P2RY6: variants seen among roughly 807,000 people sequenced by gnomAD.
P2RY6 encodes the protein pyrimidinergic receptor P2Y6.
Under a neutral mutation model 16.3 loss-of-function variants are expected in P2RY6, and 19 were observed. The observed-to-expected ratio is 1.16, with a 90% CI of 0.81 to 1.71. The LOEUF (loss-of-function observed/expected upper bound fraction) is 1.71. Among genes scored for constraint, P2RY6 ranks in the 40% most tolerant of loss-of-function variants. The pLI is 0.00. For missense variants in P2RY6, 389 were observed against 455.5 expected (o/e 0.85, Z 1.33); for synonymous variants, 184 against 201.5 (o/e 0.91, Z 0.74).
chr11:73,267,660 G>A (rs73538769), upstream of P2RY6, among the ~76,000 whole-genome samples: 1 of 152,152 alleles, frequency 6.6e-6, no homozygotes, highest in African/African-American at 2.4e-5. Flanking sequence ...AGCATAGGCT[G>A]GGGGGTGGAG....
At chr11:73,272,672 A>C (rs1410216896) in intron 1 of P2RY6, among the ~76,000 whole-genome samples, 2 of 152,208 alleles carry the variant, frequency 1.3e-5, no homozygotes, top group African/African-American at 4.8e-5. Context: ...GAGGCACCGC[A>C]GGACGGGGTC....
rs1472505435 is a variant in P2RY6 at position 73,272,444 on chromosome 11, G to A, written c.-143G>A. 1.4e-5 allele frequency: 14 copies of A among 985,452 alleles called. No individual in the cohort carries two copies. Among genetic ancestry groups the A allele is most frequent in the African/African-American group, 3.5e-5 (2 of 57,262 alleles). 61.0% of individuals were successfully genotyped at this position (985,452 alleles called of 1,614,324 possible). A position where few individuals can be genotyped will look rare whatever the true frequency, so the allele number is the denominator to read the frequency against. ...TGCTCCAGCACTTCACGGACTGCAA[G>A]CGAGGCACTTGCTAACTCTTGGGTG... is the stretch of plus-strand genomic sequence containing the variant. On this transcript the variant is annotated 5_prime_UTR_variant, in exon 1 of 3. Transcript: ENST00000540124.
At chr11:73,292,655 G>C (rs1317071800) in intron 1 of P2RY6, 1 of 230,840 alleles carries the variant, frequency 4.3e-6, no homozygotes, top group Admixed American at 6.5e-5. Flanking sequence ...TTCCGGGAAG[G>C]ACGCCTTTTT....
At chr11:73,290,749 C>T (rs910217544) in intron 1 of P2RY6, among the ~76,000 whole-genome samples, 5 of 152,228 alleles carry the variant, frequency 3.3e-5, no homozygotes, top group African/African-American at 1.2e-4. Flanking sequence ...TTACTCCCTC[C>T]CAGGTGCACC....
chr11:73,269,122 C>T (rs1056755589), upstream of P2RY6, among the ~76,000 whole-genome samples: 6 of 152,304 alleles, frequency 3.9e-5, no homozygotes, highest in East Asian at 1.2e-3. Flanking sequence ...GCCTGGCCAG[C>T]TAGTGGTGAG....
Position 73,295,796 on chromosome 11 carries a change from C to T in P2RY6, c.-54C>T, listed in dbSNP as rs1382256788. The T allele has an allele frequency of 2.6e-5, 26 of 984,158 alleles. No homozygotes were observed. The highest frequency in any genetic ancestry group is 1.9e-4 in the South Asian group (4 of 21,268). The allele number at this position is 984,158 out of a possible 1,614,324, so 61.0% of individuals were successfully genotyped here. ...GGAGTTCAGGCTGAGGAGATGGGTG[C>T]GGTCCTCAGTGAGCCCCTGGTGTGT... On this transcript the variant is annotated 5_prime_UTR_variant, in exon 2 of 3. Transcript: ENST00000540124.
At chr11:73,280,723 T>C (rs955067330) in intron 1 of P2RY6, among the ~76,000 whole-genome samples, 4 of 152,114 alleles carry the variant, frequency 2.6e-5, no homozygotes, top group African/African-American at 9.6e-5. Context: ...GGAAGTCCAG[T>C]GGTGGAAACA....
In P2RY6 at chr11:73,266,283, G is replaced by A. The variant is rs115430394; in HGVS notation, c.-281+1634G>A. On this transcript the variant is annotated intron_variant, in intron 1 of 3. Transcript: ENST00000349767. ...TCTCTGTCAAAGCCTGGGATGGAGC[G>A]TGGGAGAGAGGTTGGGGGAGAAATG... 2.8e-3 allele frequency among the ~76,000 whole-genome samples: 428 copies of A among 152,318 alleles called. 2 individuals carry two copies. Among genetic ancestry groups the A allele is most frequent in the African/African-American group, 8.6e-3 (359 of 41,572 alleles).
chr11:73,279,388 A>T lies in P2RY6; in HGVS notation c.-121+6922A>T, dbSNP rs932284828. ...TTTAAATTTTGATAAATTTCAACTT[A>T]TTTAATTTGCTGTTGTTGCTGTTCT... On this transcript the variant is annotated intron_variant, in intron 1 of 2. Coordinates refer to ENST00000540124, the MANE Select transcript of P2RY6 (RefSeq NM_001277204.2). 8.5e-5 allele frequency among the ~76,000 whole-genome samples: 13 copies of T among 152,358 alleles called. No homozygotes were observed. The South Asian group carries it at 2.7e-3, about 32-fold the overall frequency.
At chr11:73,291,273 A>T (rs1864234644) in intron 1 of P2RY6, among the ~76,000 whole-genome samples, 1 of 152,206 alleles carries the variant, frequency 6.6e-6, no homozygotes. Flanking sequence ...GACTGAGACC[A>T]CTTAGGCTTC....
At chr11:73,267,177 T>C (rs1863132959) in intron 1 of P2RY6, among the ~76,000 whole-genome samples, 2 of 152,208 alleles carry the variant, frequency 1.3e-5, no homozygotes, top group South Asian at 2.1e-4. Flanking sequence ...GGCCCTGGCT[T>C]TGGCAGTCTG....
At chr11:73,290,355 G>GAA (rs370918471) in intron 1 of P2RY6, among the ~76,000 whole-genome samples, 3 of 114,574 alleles carry the variant, frequency 2.6e-5, no homozygotes, top group Non-Finnish European at 5.7e-5. Flanking sequence ...AAGAAAGAAA[G>GAA]AAAGAAAGAA....
At chr11:73,292,474 G>A (rs1323098114) in intron 1 of P2RY6, among the ~76,000 whole-genome samples, 2 of 152,206 alleles carry the variant, frequency 1.3e-5, no homozygotes, top group Non-Finnish European at 2.9e-5. Context: ...GCTAAAGGAG[G>A]AGCCATGAGC....
chr11:73,276,395 A>G (rs1345314260), intron 1 of P2RY6, among the ~76,000 whole-genome samples: 3 of 152,238 alleles, frequency 2.0e-5, no homozygotes, highest in Non-Finnish European at 4.4e-5. Flanking sequence ...GAAATTTAAA[A>G]CACAAAAACT....
In P2RY6 at chr11:73,296,701, G is replaced by T; in HGVS notation, c.183G>T (p.Thr61=). The change falls in exon 3 of 3, where the codon ACG becomes ACT. Residue 61 remains threonine (T), a synonymous_variant. Transcript: ENST00000540124. ...ICTSRRALTR[T]AVYTLNLALA... The stretch of plus-strand genomic sequence containing the variant: ...CGTCCCGCCGGGCCCTGACCCGCAC[G>T]GCCGTGTACACCCTAAACCTTGCTC... 8 of 1,614,088 alleles carry T rather than the reference G, an allele frequency of 5.0e-6. No individual in the cohort carries two copies. The highest frequency in any genetic ancestry group is 6.8e-6 in the Non-Finnish European group (8 of 1,180,022).
Position 73,296,629 on chromosome 11 carries a change from G to T in P2RY6, c.111G>T (p.Leu37=), listed in dbSNP as rs762286647. The T allele has an allele frequency of 6.2e-7, 1 of 1,614,204 alleles. No homozygotes were observed. The highest frequency in any genetic ancestry group is 8.5e-7 in the Non-Finnish European group (1 of 1,180,032). Residue 37 remains leucine, a synonymous_variant, in exon 3 of 3, where the codon CTG becomes CTT. Transcript: ENST00000540124. ...LLLPPVYSAV[L]AAGLPLNICV... ...TGCCACCTGTGTATTCGGCGGTGCTGGCGGCTGGCCTGCCGCTGAACATCT... is the reference window on the plus strand; with the variant it reads ...TGCCACCTGTGTATTCGGCGGTGCTTGCGGCTGGCCTGCCGCTGAACATCT...
intron 1 of P2RY6, among the ~76,000 whole-genome samples, chr11:73,287,630 C>T (rs1367925409): frequency 4.6e-5 from 7 of 152,190 alleles, no homozygotes; most frequent in Non-Finnish European, 1.0e-4. Flanking sequence ...GGAGGATGGG[C>T]GGATCCTGAA....
Position 73,297,432 on chromosome 11 carries a change from A to C in P2RY6, c.914A>C (p.Gln305Pro). The C allele has an allele frequency of 1.2e-6, 2 of 1,612,560 alleles. No individual in the cohort carries two copies. The highest frequency in any genetic ancestry group is 1.7e-6 in the Non-Finnish European group (2 of 1,179,860). Reference protein sequence around the residue: ...VLDPILFYFTQKKFRRRPHEL... With the variant: ...VLDPILFYFTPKKFRRRPHEL... The stretch of plus-strand genomic sequence containing the variant: ...GACCCCATCCTCTTCTACTTCACCC[A>C]GAAGAAGTTCCGCCGGCGACCACAT... The change falls in exon 3 of 3, where the codon CAG becomes CCG. Residue 305 changes from glutamine to proline, a missense_variant. Gln to Pro is a moderately conservative substitution (Grantham distance 76). Transcript: ENST00000540124.
At chr11:73,289,734 G>T (rs753341307) in intron 1 of P2RY6, among the ~76,000 whole-genome samples, 2 of 152,214 alleles carry the variant, frequency 1.3e-5, no homozygotes, top group East Asian at 1.9e-4. Flanking sequence ...TCCGATTTTG[G>T]GGGGAACAAT....
Sources: gnomAD v4.1 joint callset for allele counts (sites outside exome capture counted in the v4.1 genomes callset) on GRCh38, gnomAD v4.1.1 for gene constraint, MANE v1.5 for transcripts, NCBI Gene and HGNC (gene_info 2026-07-23, HGNC 2026-07-21) for gene names.